Variants in ZNF18 observed in about 807,000 individuals in gnomAD.
The protein encoded by ZNF18 is zinc finger protein 18.
A neutral mutation model predicts 58.1 loss-of-function variants in ZNF18; 42 were observed. The observed-to-expected ratio is 0.72, with a 90% CI of 0.56 to 0.93. The LOEUF is 0.93. Among genes scored for constraint, ZNF18 ranks in the 40% least tolerant of loss-of-function variants. The probability of loss-of-function intolerance (pLI) is 0.00; values close to 1 mark genes in which losing one functional copy is unlikely to be tolerated. For missense variants in ZNF18, 540 were observed against 644.2 expected (o/e 0.84, Z 1.75); for synonymous variants, 231 against 239.8 (o/e 0.96, Z 0.34).
chr17:11,988,072 A>T (rs190780535), intron 4 of ZNF18, among the ~76,000 whole-genome samples: 5 of 152,300 alleles, frequency 3.3e-5, no homozygotes, highest in African/African-American at 9.6e-5. Context: ...TGAAAAAAAA[A>T]TTTTTTACAA....
chr17:11,990,878 C>A, intron 3 of ZNF18, 96 bp downstream of exon 3: 2 of 1,351,170 alleles, frequency 1.5e-6, no homozygotes, highest in Non-Finnish European at 2.0e-6. Context: ...CTCAGGGATA[C>A]GCCAATCTGA....
At chr17:12,002,535 G>C in the ZNF18 span, 1 of 152,162 alleles carries the variant, frequency 6.6e-6, no homozygotes, top group African/African-American at 2.4e-5. Context: ...GAGATCCAGA[G>C]TGTGTAAGAG....
intron 6 of ZNF18, among the ~76,000 whole-genome samples, chr17:11,983,017 T>G (rs1405665339): frequency 6.6e-6 from 1 of 152,216 alleles, no homozygotes; most frequent in Non-Finnish European, 1.5e-5. Flanking sequence ...TGAATCTTAA[T>G]TCTTTCAGAG....
At chr17:12,019,294 ATGTGTGTG>A in the ZNF18 span, among the ~76,000 whole-genome samples, 34,927 of 145,186 alleles carry the variant, frequency 0.24, 4,188 homozygotes, top group Non-Finnish European at 0.26. Context: ...ATAATATTGG[ATGTGTGTG>A]TGTGTGTGTG....
the ZNF18 span, chr17:12,020,898 G>A: frequency 1.9e-5 from 23 of 1,183,210 alleles, no homozygotes; most frequent in African/African-American, 2.1e-4. Context: ...TGGCGGCTCC[G>A]AGCCCGAGCG....
chr17:12,003,290 T>C, the ZNF18 span, among the ~76,000 whole-genome samples: 1 of 151,614 alleles, frequency 6.6e-6, no homozygotes, highest in Non-Finnish European at 1.5e-5. Flanking sequence ...ATACAAAAAA[T>C]AAGCCAGGCA....
rs1431086290 is a variant in ZNF18, at chr17:11,983,398, G to T, written c.761C>A (p.Ser254Tyr). The T allele has an allele frequency of 6.2e-7, 1 of 1,613,260 alleles. No homozygotes were observed. The highest frequency in any genetic ancestry group is 2.2e-5 in the East Asian group (1 of 44,866). Residue 254 changes from serine (S) to tyrosine (Y), a missense_variant, in exon 6 of 7, where the codon TCC (serine) becomes TAC (tyrosine). Coordinates refer to ENST00000580306, the MANE Select transcript of ZNF18 (RefSeq NM_001303281.2). ...YGKMVSGAGI[S>Y]HPKSDLTNSI... ...ATTAGTCAGGTCAGATTTGGGATGG[G>T]AAATGCCTGCTATAGAGAGAAAGAT...
upstream of ZNF18, among the ~76,000 whole-genome samples, chr17:12,001,657 C>CAAACAAAA (rs1310846731): frequency 5.4e-4 from 82 of 152,048 alleles, no homozygotes; most frequent in African/African-American, 1.6e-3. Context: ...AACAAACAAA[C>CAAACAAAA]AAAGTATATT....
At chr17:11,986,795 T>C (rs1455854047) in intron 4 of ZNF18, among the ~76,000 whole-genome samples, 1 of 152,168 alleles carries the variant, frequency 6.6e-6, no homozygotes, top group Non-Finnish European at 1.5e-5. Context: ...CTGCCTGGCT[T>C]GCTGACACAG....
chr17:11,989,756 G>A (rs1344730574), intron 4 of ZNF18, among the ~76,000 whole-genome samples: 1 of 150,340 alleles, frequency 6.7e-6, no homozygotes. Flanking sequence ...TAAAAGAAAA[G>A]ATTAATGAAC....
the ZNF18 span, among the ~76,000 whole-genome samples, chr17:12,005,345 C>A: frequency 6.6e-6 from 1 of 151,980 alleles, no homozygotes; most frequent in Non-Finnish European, 1.5e-5. Context: ...AATCAATACA[C>A]AAAATATTCC....
At position 11,990,448 on chromosome 17, in the gene ZNF18, G is replaced by A. The variant is rs776071569; in HGVS notation, c.666+14C>T. On this transcript the variant is annotated intron_variant, in intron 4 of 6. Transcript: ENST00000580306. ...AAAAAGTTTCCTTTTCATCGCTTTT[G>A]TACGTCAGCTCACCTGAGGTGCTGC... 3.1e-6 allele frequency: 5 copies of A among 1,608,476 alleles called. No individual in the cohort carries two copies. In the South Asian group the frequency reaches 4.4e-5, roughly 14 times the overall value.
At chr17:12,005,595 T>C in the ZNF18 span, among the ~76,000 whole-genome samples, 3 of 152,116 alleles carry the variant, frequency 2.0e-5, no homozygotes, top group African/African-American at 7.2e-5. Context: ...GAGGTTTCTT[T>C]TTTCACTTTT....
At chr17:12,006,049 A>G in the ZNF18 span, among the ~76,000 whole-genome samples, 1 of 152,042 alleles carries the variant, frequency 6.6e-6, no homozygotes, top group Non-Finnish European at 1.5e-5. Flanking sequence ...CCTGAATCAG[A>G]TTATCTGAGA....
At chr17:12,010,945 A>G in the ZNF18 span, 1 of 675,816 alleles carries the variant, frequency 1.5e-6, no homozygotes, top group Non-Finnish European at 2.7e-6. Flanking sequence ...TAACATGCCC[A>G]ATACACACAT....
the ZNF18 span, among the ~76,000 whole-genome samples, chr17:12,004,224 C>T: frequency 8.0e-5 from 12 of 150,552 alleles, no homozygotes; most frequent in African/African-American, 2.9e-4. Context: ...GAGCGAGACT[C>T]TGTGTCTCAA....
rs1430242057 is a variant in ZNF18, at chr17:11,977,941, A to G, written c.*16T>C. 4.6e-6 allele frequency: 7 copies of G among 1,537,978 alleles called. No individual in the cohort carries two copies. The highest frequency in any genetic ancestry group is 1.4e-5 in the African/African-American group (1 of 72,158). ...GGCTGGGAGATAGAAATGGGGAAAG[A>G]GAGTTTGGTTACTGGCTATTGAAAG... On this transcript the variant is annotated 3_prime_UTR_variant, in exon 7 of 7. Coordinates refer to ENST00000580306, the MANE Select transcript of ZNF18 (RefSeq NM_001303281.2).
chr17:12,009,151 C>T, the ZNF18 span: 1 of 152,126 alleles, frequency 6.6e-6, no homozygotes, highest in African/African-American at 2.4e-5. Context: ...GGCCTTTTTC[C>T]CAGTGAAGAA....
the ZNF18 span, chr17:12,020,717 T>A: frequency 8.2e-6 from 3 of 367,382 alleles, no homozygotes; most frequent in African/African-American, 4.2e-5. Context: ...CAGCTCAGCA[T>A]CTGGCCCGGG....
Sources: gnomAD v4.1 joint callset for allele counts (sites outside exome capture counted in the v4.1 genomes callset) on GRCh38, gnomAD v4.1.1 for gene constraint, MANE v1.5 for transcripts, NCBI Gene and HGNC (gene_info 2026-07-23, HGNC 2026-07-21) for gene names.